The following MGLL variants were observed in gnomAD, a reference collection of about 807,000 sequenced individuals.
MGLL encodes monoglyceride lipase.
A neutral mutation model predicts 29.1 loss-of-function variants in MGLL; 7 were observed. The ratio of observed to expected loss-of-function variants is 0.24; its 90% CI spans 0.14 to 0.45. The LOEUF is 0.45. MGLL is among the 20% of genes least tolerant of loss of function. The pLI, the probability that MGLL is intolerant of heterozygous loss-of-function variation, is 0.99. For synonymous variants in MGLL, 148 were observed against 168.3 expected (o/e 0.88, Z 0.93); for missense variants, 356 against 413.6 (o/e 0.86, Z 1.21).
intron 2 of MGLL, among the ~76,000 whole-genome samples, chr3:127,793,476 T>C (rs2077334163): frequency 6.6e-6 from 1 of 152,206 alleles, no homozygotes; most frequent in South Asian, 2.1e-4. Context: ...TCCCCATAAT[T>C]AGAGAAGCTC....
At chr3:127,701,182 T>G (rs1217644339) in intron 6 of MGLL, among the ~76,000 whole-genome samples, 4 of 118,416 alleles carry the variant, frequency 3.4e-5, no homozygotes, top group Non-Finnish European at 4.8e-5. Context: ...GCCACTGCAC[T>G]CCAGCCTGGG....
At chr3:127,789,097 T>C (rs1015301527) in intron 2 of MGLL, among the ~76,000 whole-genome samples, 8 of 152,158 alleles carry the variant, frequency 5.3e-5, no homozygotes, top group African/African-American at 2.4e-5. Context: ...GGGAACTCTC[T>C]TGGGCTCAAA....
rs568348424 is a variant in MGLL at position 127,701,025 on chromosome 3, G to A, written c.601-5835C>T. On this transcript the variant is annotated intron_variant, in intron 6 of 7. Coordinates refer to ENST00000265052, the MANE Select transcript of MGLL (RefSeq NM_007283.7). ...GGCCCAGGAATTCAGAACCAGCCTG[G>A]GCAACATGGTAAAACCCCATCTCTA... is the stretch of plus-strand genomic sequence containing the variant. 2.0e-5 allele frequency among the ~76,000 whole-genome samples: 3 copies of A among 152,004 alleles called. No individual in the cohort carries two copies. In the South Asian group the frequency reaches 6.3e-4, roughly 32 times the overall value.
intron 3 of MGLL, among the ~76,000 whole-genome samples, chr3:127,729,209 G>A (rs1284524431): frequency 4.6e-5 from 7 of 152,022 alleles, no homozygotes. Context: ...GATTCTTGGT[G>A]ATAAAGGCCT....
intron 5 of MGLL, among the ~76,000 whole-genome samples, chr3:127,720,054 T>C (rs1435403641): frequency 6.6e-6 from 1 of 152,166 alleles, no homozygotes; most frequent in African/African-American, 2.4e-5. Context: ...TTGAGGATGT[T>C]GTTATAAGGT....
At chr3:127,769,101 C>A (rs376180618) in intron 3 of MGLL, among the ~76,000 whole-genome samples, 1 of 152,148 alleles carries the variant, frequency 6.6e-6, no homozygotes, top group Non-Finnish European at 1.5e-5. Flanking sequence ...CCTGTAATCC[C>A]GGCACTTTGG....
chr3:127,705,790 AAGAAGAAG>A (rs1248626039), intron 6 of MGLL, among the ~76,000 whole-genome samples: 1 of 123,610 alleles, frequency 8.1e-6, no homozygotes, highest in Non-Finnish European at 1.7e-5. Context: ...AAAAAAAAAA[AAGAAGAAG>A]AAGAAGAAGA....
At chr3:127,754,082 C>T (rs373464647) in intron 3 of MGLL, among the ~76,000 whole-genome samples, 27 of 152,312 alleles carry the variant, frequency 1.8e-4, no homozygotes, top group East Asian at 9.7e-4. Flanking sequence ...GGTGGTGGCC[C>T]GCTGGGGCCT....
At chr3:127,792,850 T>C (rs1051728472) in intron 2 of MGLL, among the ~76,000 whole-genome samples, 9 of 152,200 alleles carry the variant, frequency 5.9e-5, no homozygotes, top group African/African-American at 2.2e-4. Flanking sequence ...TGCAAAGCTA[T>C]GCGGGCCCTT....
At chr3:127,725,803 C>G (rs1486320495) in intron 3 of MGLL, among the ~76,000 whole-genome samples, 1 of 152,150 alleles carries the variant, frequency 6.6e-6, no homozygotes, top group Non-Finnish European at 1.5e-5. Flanking sequence ...AGGTGGCTCA[C>G]ATCTGTAATC....
intron 3 of MGLL, among the ~76,000 whole-genome samples, chr3:127,760,996 C>T (rs2076754475): frequency 6.6e-6 from 1 of 152,178 alleles, no homozygotes; most frequent in Non-Finnish European, 1.5e-5. Flanking sequence ...TTAAACAGGG[C>T]TCATCCTCCA....
intron 2 of MGLL, among the ~76,000 whole-genome samples, chr3:127,804,429 G>C (rs927128843): frequency 6.6e-6 from 1 of 152,228 alleles, no homozygotes; most frequent in African/African-American, 2.4e-5. Context: ...GTGACTCCCT[G>C]AGTAGGACTC....
At position 127,821,812 on chromosome 3, in the gene MGLL, C is replaced by T; in HGVS notation, c.37G>A (p.Glu13Lys). The change falls in exon 2 of 8, where the codon GAG becomes AAG. Residue 13 changes from glutamate to lysine, a missense_variant. Transcript: ENST00000265052. ...TGPEDPSSMP[E>K]ESSPRRTPQS... ...GGGGTCCGCCTGGGGGAACTTTCCT[C>T]TGGCATGCTGGAAGGGTCTTCAGGT... The T allele has an allele frequency of 6.2e-7, 1 of 1,614,098 alleles. No individual in the cohort carries two copies. Among genetic ancestry groups the T allele is most frequent in the Non-Finnish European group, 8.5e-7 (1 of 1,179,984 alleles).
chr3:127,694,359 G>GTA (rs1196415890), intron 7 of MGLL, among the ~76,000 whole-genome samples: 1 of 92,878 alleles, frequency 1.1e-5, no homozygotes, highest in Non-Finnish European at 2.4e-5. Flanking sequence ...ATATATATGT[G>GTA]TATATATATG....
chr3:127,739,863 C>T (rs1179081711), intron 3 of MGLL, among the ~76,000 whole-genome samples: 1 of 152,214 alleles, frequency 6.6e-6, no homozygotes, highest in Non-Finnish European at 1.5e-5. Context: ...AGCCAGCCCC[C>T]AGTGCACCTT....
intron 3 of MGLL, among the ~76,000 whole-genome samples, chr3:127,776,390 C>T (rs2077037450): frequency 6.6e-6 from 1 of 152,078 alleles, no homozygotes; most frequent in African/African-American, 2.4e-5. Context: ...AGGGGGAGCC[C>T]AGGCTTCAGG....
intron 2 of MGLL, among the ~76,000 whole-genome samples, chr3:127,783,401 G>T (rs2077162867): frequency 6.6e-6 from 1 of 152,074 alleles, no homozygotes; most frequent in Non-Finnish European, 1.5e-5. Context: ...CGTCACTCTG[G>T]TTCTCTAGTT....
At chr3:127,740,196 C>T (rs957898544) in intron 3 of MGLL, among the ~76,000 whole-genome samples, 1 of 152,176 alleles carries the variant, frequency 6.6e-6, no homozygotes, top group African/African-American at 2.4e-5. Context: ...CTAAATTGAC[C>T]GCCTTCACTG....
chr3:127,691,731 C>T lies in MGLL; in HGVS notation c.*467G>A, dbSNP rs2075247887. On this transcript the variant is annotated 3_prime_UTR_variant, in exon 8 of 8. Coordinates refer to ENST00000265052, the MANE Select transcript of MGLL (RefSeq NM_007283.7). ...CCTGGGGAGCTGGCCCCTATGGAGA[C>T]AGCAACCACCTCATCACACGGCCAG... 4.9e-6 allele frequency: 1 copy of T among 203,444 alleles called. No homozygotes were observed. Among genetic ancestry groups the T allele is most frequent in the Non-Finnish European group, 1.0e-5 (1 of 98,572 alleles). The allele number at this position is 203,444 out of a possible 1,614,324, so 12.6% of individuals were successfully genotyped here.
Sources: gnomAD v4.1 joint callset for allele counts (sites outside exome capture counted in the v4.1 genomes callset) on GRCh38, gnomAD v4.1.1 for gene constraint, MANE v1.5 for transcripts, NCBI Gene and HGNC (gene_info 2026-07-23, HGNC 2026-07-21) for gene names.